The following LRRC4C variants were observed in gnomAD, a reference collection of about 807,000 sequenced individuals.
The protein encoded by LRRC4C is leucine-rich repeat-containing protein 4C.
Under a neutral mutation model 33.6 loss-of-function variants are expected in LRRC4C, and 5 were observed. The ratio of observed to expected loss-of-function variants is 0.15; its 90% CI spans 0.08 to 0.31. LRRC4C has a LOEUF of 0.31. LRRC4C is among the 10% of genes least tolerant of loss of function. The pLI, the probability that LRRC4C is intolerant of heterozygous loss-of-function variation, is 1.00. For synonymous variants in LRRC4C, 329 were observed against 302.0 expected, an observed-to-expected ratio of 1.09 and a Z score of -0.93; for missense variants, 560 against 796.7, an observed-to-expected ratio of 0.70 and a Z score of 3.58.
chr11:41,207,338 T>C (rs927771877), intron 1 of LRRC4C, among the ~76,000 whole-genome samples: 1 of 152,078 alleles, frequency 6.6e-6, no homozygotes, highest in African/African-American at 2.4e-5. Flanking sequence ...ATTATAAAGA[T>C]CCAGGGGGCT....
At chr11:40,393,647 A>G (rs980778016) in intron 3 of LRRC4C, among the ~76,000 whole-genome samples, 2 of 152,144 alleles carry the variant, frequency 1.3e-5, no homozygotes, top group African/African-American at 2.4e-5. Flanking sequence ...AACAAAAACA[A>G]CTCCCAAAGA....
chr11:40,900,901 A>G (rs1956168838), intron 2 of LRRC4C, among the ~76,000 whole-genome samples: 2 of 152,072 alleles, frequency 1.3e-5, no homozygotes, highest in Admixed American at 1.3e-4. Flanking sequence ...ATATGATTGT[A>G]TCATAAAAAG....
intron 2 of LRRC4C, among the ~76,000 whole-genome samples, chr11:40,802,123 C>A (rs1327773155): frequency 6.6e-6 from 1 of 152,186 alleles, no homozygotes; most frequent in Non-Finnish European, 1.5e-5. Context: ...AGTGAGAATT[C>A]CAGCTACATT....
chr11:41,305,727 C>G (rs1157060217), intron 1 of LRRC4C, among the ~76,000 whole-genome samples: 1 of 111,756 alleles, frequency 8.9e-6, no homozygotes, highest in Non-Finnish European at 1.9e-5. Context: ...AGAGTCATCA[C>G]CAATCCCTAA....
At chr11:40,752,550 C>A (rs920153358) in intron 2 of LRRC4C, among the ~76,000 whole-genome samples, 1 of 151,726 alleles carries the variant, frequency 6.6e-6, no homozygotes, top group Non-Finnish European at 1.5e-5. Flanking sequence ...AATGAGATAT[C>A]ATCTTACCCG....
chr11:41,121,517 C>A (rs972735695), intron 1 of LRRC4C, among the ~76,000 whole-genome samples: 1 of 152,160 alleles, frequency 6.6e-6, no homozygotes, highest in Non-Finnish European at 1.5e-5. Flanking sequence ...TACTAGGCAG[C>A]AGTATTTACT....
intron 3 of LRRC4C, among the ~76,000 whole-genome samples, chr11:40,554,946 C>T (rs1957276805): frequency 7.0e-6 from 1 of 143,364 alleles, no homozygotes; most frequent in Non-Finnish European, 1.5e-5. Flanking sequence ...TGGTCTCGAT[C>T]TCCTGACCTC....
intron 1 of LRRC4C, among the ~76,000 whole-genome samples, chr11:41,239,866 T>C (rs1948180686): frequency 6.6e-6 from 1 of 152,196 alleles, no homozygotes; most frequent in African/African-American, 2.4e-5. Flanking sequence ...ATCTATATTA[T>C]TTTCGTTCAT....
chr11:40,934,984 G>A (rs1375765636), intron 1 of LRRC4C, among the ~76,000 whole-genome samples: 3 of 151,998 alleles, frequency 2.0e-5, no homozygotes, highest in Non-Finnish European at 2.9e-5. Context: ...TGACTTACAC[G>A]TTGACCCTAT....
rs186966234 is a variant in LRRC4C at position 41,134,346 on chromosome 11, C to T, written c.-495-200623G>A. 3.0e-3 allele frequency among the ~76,000 whole-genome samples: 462 copies of T among 152,250 alleles called. 1 individual carries two copies. The highest frequency in any genetic ancestry group is 4.8e-3 in the Non-Finnish European group (325 of 68,020). On this transcript the variant is annotated intron_variant, in intron 1 of 6. Transcript: ENST00000528697. ...CTCAAACTGCTAGCCTCAAGCAATT[C>T]TACCACCTCAGCCTCCCAACATGTC...
At chr11:40,337,738 G>C (rs1946692307) in intron 3 of LRRC4C, among the ~76,000 whole-genome samples, 1 of 152,082 alleles carries the variant, frequency 6.6e-6, no homozygotes, top group African/African-American at 2.4e-5. Flanking sequence ...AGGTAAACTT[G>C]TGTCATAGGG....
At chr11:40,821,326 T>A (rs941430334) in intron 2 of LRRC4C, among the ~76,000 whole-genome samples, 3 of 151,616 alleles carry the variant, frequency 2.0e-5, no homozygotes, top group Non-Finnish European at 4.4e-5. Context: ...TGAAAAGGAT[T>A]TAAACAAGAC....
chr11:41,310,474 CTT>C (rs1452776957), intron 1 of LRRC4C, among the ~76,000 whole-genome samples: 11 of 152,178 alleles, frequency 7.2e-5, no homozygotes, highest in Admixed American at 2.6e-4. Context: ...TCTGGATCAA[CTT>C]TTCTAATTTC....
intron 2 of LRRC4C, among the ~76,000 whole-genome samples, chr11:40,749,000 C>T (rs1325089771): frequency 1.3e-5 from 2 of 151,616 alleles, no homozygotes; most frequent in East Asian, 3.9e-4. Context: ...AATACTACAT[C>T]TAAAGAGAGA....
chr11:40,586,830 C>G (rs1958775204), intron 3 of LRRC4C, among the ~76,000 whole-genome samples: 1 of 152,116 alleles, frequency 6.6e-6, no homozygotes, highest in Admixed American at 6.5e-5. Flanking sequence ...TTCCATTGAT[C>G]TATATCTCTG....
At chr11:40,588,141 C>A (rs1166928149) in intron 3 of LRRC4C, among the ~76,000 whole-genome samples, 1 of 151,470 alleles carries the variant, frequency 6.6e-6, no homozygotes, top group Non-Finnish European at 1.5e-5. Context: ...TTGATTATTG[C>A]CACAATTTCA....
rs530018385 is a variant in LRRC4C at position 41,351,897 on chromosome 11, G to A, written c.-496+107534C>T. Among the ~76,000 whole-genome samples the A allele has an allele frequency of 1.6e-4, 24 of 152,220 alleles. No individual in the cohort carries two copies. In the South Asian group the frequency reaches 4.8e-3, roughly 30 times the overall value. ...GGGAATGCTAAACATGGAAATGAAA[G>A]ACCATTACTTGACACCACAATAAAT... On this transcript the variant is annotated intron_variant, in intron 1 of 6. Transcript: ENST00000528697.
Position 40,187,870 on chromosome 11 carries a change from T to C in LRRC4C, c.-95-47017A>G, listed in dbSNP as rs1418292590. On this transcript the variant is annotated intron_variant, in intron 5 of 6. Transcript: ENST00000528697. The stretch of plus-strand genomic sequence containing the variant: ...TCAGCCGTTAGAGGAGAAAAATGCA[T>C]GGAAGGAGGAAAAGAGAAAGGTGTG... Among the ~76,000 whole-genome samples, 3 of 151,748 alleles carry C rather than the reference T, an allele frequency of 2.0e-5. No individual in the cohort carries two copies. In the East Asian group the frequency reaches 5.8e-4, roughly 29 times the overall value.
rs532163966 is a variant in LRRC4C, at chr11:40,429,489, A to G, written c.-269-109768T>C. Among the ~76,000 whole-genome samples, 77 of 152,270 alleles carry G rather than the reference A, an allele frequency of 5.1e-4. No homozygotes were observed. In the South Asian group the frequency reaches 6.4e-3, roughly 13 times the overall value. On this transcript the variant is annotated intron_variant, in intron 3 of 6. Transcript: ENST00000528697. ...TTTAACATTGACTTCTTTTAGACTA[A>G]GAACTCCTAGACTAGTGTTCATTGA...
Sources: allele counts gnomAD v4.1 joint callset (sites outside exome capture counted in the v4.1 genomes callset), GRCh38; gene constraint gnomAD v4.1.1; transcripts MANE v1.5; gene names NCBI Gene and HGNC (gene_info 2026-07-23, HGNC 2026-07-21).